Variants in RALGPS1 observed in about 807,000 individuals in gnomAD.
The protein encoded by RALGPS1 is ras-specific guanine nucleotide-releasing factor RalGPS1.
A neutral mutation model predicts 78.8 loss-of-function variants in RALGPS1; 19 were observed. That is an observed-to-expected ratio of 0.24 (90% CI 0.17 to 0.35). The LOEUF is 0.35. RALGPS1 is among the 10% of genes least tolerant of loss of function. The pLI is 1.00. For synonymous variants in RALGPS1, 228 were observed against 256.3 expected, an observed-to-expected ratio of 0.89 and a Z score of 1.06; for missense variants, 454 against 688.3, an observed-to-expected ratio of 0.66 and a Z score of 3.81.
At chr9:127,108,316 A>C in intron 8 of RALGPS1, 2 of 1,613,692 alleles carry the variant, frequency 1.2e-6, no homozygotes, top group Non-Finnish European at 1.7e-6. Flanking sequence ...CAGGAGCTGC[A>C]TGTAGAGCTG....
At chr9:127,102,831 G>C (rs1301796397) in intron 8 of RALGPS1, among the ~76,000 whole-genome samples, 1 of 152,240 alleles carries the variant, frequency 6.6e-6, no homozygotes, top group Non-Finnish European at 1.5e-5. Context: ...TATGTAGTTT[G>C]TACTGAATTT....
chr9:126,983,611 G>T (rs2041527231), intron 4 of RALGPS1, among the ~76,000 whole-genome samples: 1 of 152,168 alleles, frequency 6.6e-6, no homozygotes. Context: ...ACTAATAGCA[G>T]TGACAATTCC....
intron 8 of RALGPS1, among the ~76,000 whole-genome samples, chr9:127,148,268 T>A (rs1388401838): frequency 6.6e-6 from 1 of 152,188 alleles, no homozygotes; most frequent in Non-Finnish European, 1.5e-5. Flanking sequence ...GCCCCCAGCC[T>A]GGGATTCTCT....
intron 11 of RALGPS1, among the ~76,000 whole-genome samples, chr9:127,185,812 C>T (rs2060607667): frequency 6.6e-6 from 1 of 152,192 alleles, no homozygotes. Flanking sequence ...ATCTCCAGCT[C>T]CTGCCCCCGA....
chr9:126,945,831 C>T (rs1458243226), intron 1 of RALGPS1, among the ~76,000 whole-genome samples: 1 of 152,222 alleles, frequency 6.6e-6, no homozygotes, highest in East Asian at 1.9e-4. Flanking sequence ...TAAGGTCGTT[C>T]CCTGGGGCAG....
At chr9:126,964,800 G>A (rs903548179) in intron 2 of RALGPS1, among the ~76,000 whole-genome samples, 3 of 152,094 alleles carry the variant, frequency 2.0e-5, no homozygotes, top group African/African-American at 7.2e-5. Flanking sequence ...TCCCTCACTG[G>A]CCTAAAAGCA....
At position 127,218,722 on chromosome 9, in the gene RALGPS1, C is replaced by T; in HGVS notation, c.1645-18C>T. 6.2e-7 allele frequency: 1 copy of T among 1,613,348 alleles called. No individual in the cohort carries two copies. Among genetic ancestry groups the T allele is most frequent in the Non-Finnish European group, 8.5e-7 (1 of 1,179,240 alleles). ...CTGAGGTCGGAACTTTAACAAGAGG[C>T]TGAGCTTTCTCTTCTAGGTACCTGC... On this transcript the variant is annotated intron_variant, in intron 18 of 18. Transcript: ENST00000259351. This position sits in a 1 kb window ranked among gnomAD's most constrained non-coding sequence, Gnocchi z 4.4.
intron 11 of RALGPS1, among the ~76,000 whole-genome samples, chr9:127,179,112 G>C (rs911016230): frequency 2.6e-5 from 4 of 152,228 alleles, no homozygotes; most frequent in African/African-American, 4.8e-5. Flanking sequence ...GAGAAGTGCT[G>C]ATGCTGGCAG....
intron 1 of RALGPS1, among the ~76,000 whole-genome samples, chr9:126,944,333 C>T (rs897175067): frequency 2.6e-5 from 4 of 152,206 alleles, no homozygotes; most frequent in Non-Finnish European, 4.4e-5. Flanking sequence ...TTGGTACCAG[C>T]CAGACCAGTA....
At chr9:127,012,957 A>G (rs891848473) in intron 4 of RALGPS1, among the ~76,000 whole-genome samples, 2 of 152,200 alleles carry the variant, frequency 1.3e-5, no homozygotes, top group African/African-American at 4.8e-5. Flanking sequence ...AGATTTACCT[A>G]AATAATTACA....
chr9:127,058,558 T>C (rs1179685658), intron 7 of RALGPS1, among the ~76,000 whole-genome samples: 1 of 151,954 alleles, frequency 6.6e-6, no homozygotes, highest in Non-Finnish European at 1.5e-5. Flanking sequence ...GTGTGCTGGA[T>C]GAGATGTCGA....
chr9:127,069,992 T>C (rs2050052503), intron 8 of RALGPS1: 1 of 152,222 alleles, frequency 6.6e-6, no homozygotes, highest in Non-Finnish European at 1.5e-5. Flanking sequence ...AACTCGAATC[T>C]GCTCTCCAAT....
rs1397520857 is a variant in RALGPS1 at position 127,222,028 on chromosome 9, T to TA, written c.*3265dup. 2 of 152,214 alleles carry TA rather than the reference T, an allele frequency of 1.3e-5. No homozygotes were observed. Among genetic ancestry groups the TA allele is most frequent in the Non-Finnish European group, 1.5e-5 (1 of 68,042 alleles). 9.4% of individuals were successfully genotyped at this position (152,214 alleles called of 1,614,324 possible). Reference sequence around the variant, plus strand: ...TTTTACATATCAAGTGGTTTCATGTTAAAAAACAAACTCCTAGTCCTTTAG... The same window carrying TA: ...TTTTACATATCAAGTGGTTTCATGTTAAAAAAACAAACTCCTAGTCCTTTAG... On this transcript the variant is annotated 3_prime_UTR_variant, in exon 19 of 19. Coordinates refer to ENST00000259351, the MANE Select transcript of RALGPS1 (RefSeq NM_014636.3).
intron 8 of RALGPS1, chr9:127,093,980 C>T (rs1383216586): frequency 4.5e-6 from 7 of 1,570,812 alleles, no homozygotes; most frequent in Admixed American, 1.7e-5. Context: ...CCAGGCCGCA[C>T]CCCCAGCTGC....
At chr9:127,109,710 A>G (rs2054607360) in intron 8 of RALGPS1, among the ~76,000 whole-genome samples, 2 of 152,246 alleles carry the variant, frequency 1.3e-5, no homozygotes, top group Admixed American at 1.3e-4. Context: ...GGCTAGGGAT[A>G]CAGCTACCAA....
chr9:127,117,393 G>A (rs965157370), intron 8 of RALGPS1, among the ~76,000 whole-genome samples: 5 of 152,214 alleles, frequency 3.3e-5, no homozygotes, highest in Non-Finnish European at 7.3e-5. Flanking sequence ...AGGAATTCAA[G>A]AACTTCATTT....
rs575485476 is a variant in RALGPS1 at position 127,080,977 on chromosome 9, G to A, written c.610+11621G>A. Among the ~76,000 whole-genome samples the A allele has an allele frequency of 6.3e-4, 96 of 152,322 alleles. 1 individual carries two copies. The highest frequency in any genetic ancestry group is 1.9e-3 in the Admixed American group (29 of 15,304). Reference sequence around the variant, plus strand: ...AGGGATGCTCAGCCTGTAGTGCAGTGGGGAGCATCCTTATCTGTGTGTCTT... The same window carrying A: ...AGGGATGCTCAGCCTGTAGTGCAGTAGGGAGCATCCTTATCTGTGTGTCTT... On this transcript the variant is annotated intron_variant, in intron 8 of 18. Transcript: ENST00000259351.
At chr9:127,163,410 T>G (rs1259027605) in intron 8 of RALGPS1, among the ~76,000 whole-genome samples, 2 of 152,182 alleles carry the variant, frequency 1.3e-5, no homozygotes, top group East Asian at 3.8e-4. Context: ...CTCACCAAAC[T>G]TGGAGCTTCT....
chr9:127,186,975 T>C (rs774127630), intron 11 of RALGPS1, among the ~76,000 whole-genome samples: 39 of 152,006 alleles, frequency 2.6e-4, no homozygotes, highest in Non-Finnish European at 4.7e-4. Flanking sequence ...AGGAAGCACA[T>C]GGAGACAGAC....
Sources: gnomAD v4.1 joint callset for allele counts (sites outside exome capture counted in the v4.1 genomes callset) on GRCh38, gnomAD v4.1.1 for gene constraint, Gnocchi (gnomAD v3.1) non-coding constraint, MANE v1.5 for transcripts, NCBI Gene and HGNC (gene_info 2026-07-23, HGNC 2026-07-21) for gene names.